Variants in DDX6 observed in about 807,000 individuals in gnomAD.
DDX6 encodes the protein DEAD-box helicase 6, also known as probable ATP-dependent RNA helicase DDX6.
DDX6 carries 7 observed loss-of-function variants against 60.6 expected under a neutral mutation model. The ratio of observed to expected loss-of-function variants is 0.12; its 90% CI spans 0.07 to 0.22. The LOEUF is 0.22. Among genes scored for constraint, DDX6 ranks in the 10% least tolerant of loss-of-function variants. The probability of loss-of-function intolerance (pLI) is 1.00; values close to 1 mark genes in which losing one functional copy is unlikely to be tolerated. For missense variants in DDX6, 270 were observed against 589.9 expected, an observed-to-expected ratio of 0.46 and a Z score of 5.62; for synonymous variants, 207 against 201.0, an observed-to-expected ratio of 1.03 and a Z score of -0.25.
chr11:118,763,330 C>T, intron 6 of DDX6, 24 bp from the exon 7 acceptor site: 1 of 1,533,946 alleles, frequency 6.5e-7, no homozygotes, highest in South Asian at 1.1e-5. Context: ...AGAAAACATA[C>T]ATTCTCATTA....
chr11:118,778,310 G>A (rs1861772927), intron 4 of DDX6, among the ~76,000 whole-genome samples: 1 of 152,176 alleles, frequency 6.6e-6, no homozygotes, highest in African/African-American at 2.4e-5. Context: ...CCACTCATGA[G>A]CTACAAGTAT....
At chr11:118,763,011 C>T (rs1227060194) in intron 7 of DDX6, among the ~76,000 whole-genome samples, 1 of 152,170 alleles carries the variant, frequency 6.6e-6, no homozygotes, top group Non-Finnish European at 1.5e-5. Context: ...AAGAAAAAGA[C>T]AAAATGCTGA....
In DDX6 at chr11:118,749,595, C is replaced by T. The variant is rs1407670674; in HGVS notation, c.*2510G>A. 6.6e-6 allele frequency: 1 copy of T among 152,586 alleles called. No homozygotes were observed. The highest frequency in any genetic ancestry group is 2.4e-5 in the African/African-American group (1 of 41,440). 9.5% of individuals were successfully genotyped at this position (152,586 alleles called of 1,614,324 possible). A position where few individuals can be genotyped will look rare whatever the true frequency, so the allele number is the denominator to read the frequency against. On this transcript the variant is annotated 3_prime_UTR_variant, in exon 14 of 14. Transcript: ENST00000534980. ...AGAGGGACCCACAGGCATGTGGCAC[C>T]ACGCAGTCTAAAGTTGGTGAAGGAG...
At chr11:118,765,472 G>A in intron 5 of DDX6, 117 bp from the exon 6 acceptor site, 5 of 1,036,674 alleles carry the variant, frequency 4.8e-6, no homozygotes, top group African/African-American at 1.6e-5. Flanking sequence ...ATGATGCAGT[G>A]GCTCACACCT....
At chr11:118,779,513 A>G (rs1361141868) in intron 4 of DDX6, 119 bp downstream of exon 4, 1 of 601,824 alleles carries the variant, frequency 1.7e-6, no homozygotes, top group Non-Finnish European at 2.8e-6. Flanking sequence ...AATTTCAGAA[A>G]AAGTGTGTAT....
intron 7 of DDX6, among the ~76,000 whole-genome samples, chr11:118,762,056 CCT>C (rs1400421840): frequency 6.6e-6 from 1 of 152,062 alleles, no homozygotes; most frequent in Admixed American, 6.6e-5. Context: ...AGTAGGATCA[CCT>C]GAGGTCAGGA....
intron 6 of DDX6, among the ~76,000 whole-genome samples, chr11:118,764,999 T>C (rs782129314): frequency 6.6e-6 from 1 of 152,184 alleles, no homozygotes; most frequent in South Asian, 2.1e-4. Context: ...AAAATTATTA[T>C]AAACTTGCTG....
rs370718503 is a variant in DDX6 at position 118,765,930 on chromosome 11, C to T, written c.500-575G>A. Among the ~76,000 whole-genome samples, 5 of 151,356 alleles carry T rather than the reference C, an allele frequency of 3.3e-5. No individual in the cohort carries two copies. The Middle Eastern group carries it at 0.01, about 313-fold the overall frequency. On this transcript the variant is annotated intron_variant, in intron 5 of 13. Coordinates refer to ENST00000534980, the MANE Select transcript of DDX6 (RefSeq NM_004397.6). ...TACTAAAAATACAAAATTAGCTGGG[C>T]GTGGGTGGCACATGCCTGTAATCCC...
At chr11:118,786,835 G>A (rs1325330473) in intron 1 of DDX6, 1 of 152,366 alleles carries the variant, frequency 6.6e-6, no homozygotes, top group Non-Finnish European at 1.5e-5. Context: ...AATTCTCTAA[G>A]TCTCTGACAT....
intron 4 of DDX6, among the ~76,000 whole-genome samples, chr11:118,770,915 G>A (rs1377982744): frequency 4.7e-5 from 7 of 150,372 alleles, no homozygotes; most frequent in African/African-American, 1.5e-4. Flanking sequence ...GAAAAGAAAA[G>A]AAAATACTGT....
At chr11:118,774,721 G>C (rs746232132) in intron 4 of DDX6, among the ~76,000 whole-genome samples, 264 of 152,088 alleles carry the variant, frequency 1.7e-3, no homozygotes, top group Middle Eastern at 6.8e-3. Context: ...ACTGCACCCA[G>C]CCAATTCTCC....
chr11:118,756,338 T>A lies in DDX6; in HGVS notation c.1111-15A>T, dbSNP rs781915724. 1 of 1,607,582 alleles carries A rather than the reference T, an allele frequency of 6.2e-7. No homozygotes were observed. The highest frequency in any genetic ancestry group is 8.5e-7 in the Non-Finnish European group (1 of 1,174,346). ...TTTCGATGTTCCTAGGAGAAAGCAA[T>A]GTATTCCATTTGATTAACACTCATA... On this transcript the variant is annotated splice_polypyrimidine_tract_variant and intron_variant, in intron 10 of 13. Transcript: ENST00000534980.
In DDX6 at chr11:118,753,870, A is replaced by G. The variant is rs527787962; in HGVS notation, c.*7+835T>C. 3.3e-5 allele frequency among the ~76,000 whole-genome samples: 5 copies of G among 152,158 alleles called. No individual in the cohort carries two copies. In the South Asian group the frequency reaches 1.0e-3, roughly 32 times the overall value. ...CTCCCTTTAGGAGGCTGAGGCGGGT[A>G]GATCACTTGAGGTCAGGAGTTCAAG... On this transcript the variant is annotated intron_variant, in intron 13 of 13. Coordinates refer to ENST00000534980, the MANE Select transcript of DDX6 (RefSeq NM_004397.6).
At chr11:118,758,656 T>C (rs1861060674) in intron 9 of DDX6, 118 bp downstream of exon 9, 2 of 1,285,742 alleles carry the variant, frequency 1.6e-6, no homozygotes, top group Admixed American at 2.6e-5. Context: ...TGAGCCACCG[T>C]GCCAAGCCAG....
chr11:118,752,283 C>T (rs1280220382), intron 13 of DDX6, among the ~76,000 whole-genome samples, 186 bp from the exon 14 acceptor site: 1 of 152,050 alleles, frequency 6.6e-6, no homozygotes, highest in African/African-American at 2.4e-5. Flanking sequence ...AGATTGGGGG[C>T]CTGAATGAAT....
chr11:118,753,031 G>A (rs1197342977), intron 13 of DDX6, among the ~76,000 whole-genome samples: 1 of 152,168 alleles, frequency 6.6e-6, no homozygotes, highest in Non-Finnish European at 1.5e-5. Context: ...AAATCAGAGT[G>A]GGTTATTTAT....
At chr11:118,777,693 A>T (rs1861745892) in intron 4 of DDX6, among the ~76,000 whole-genome samples, 1 of 152,158 alleles carries the variant, frequency 6.6e-6, no homozygotes, top group African/African-American at 2.4e-5. Flanking sequence ...GTTCAAGACC[A>T]GCCTGGTCTA....
At chr11:118,767,313 T>C (rs1271091421) in intron 5 of DDX6, among the ~76,000 whole-genome samples, 4 of 152,164 alleles carry the variant, frequency 2.6e-5, no homozygotes, top group African/African-American at 9.7e-5. Flanking sequence ...AATACCTAGG[T>C]AGGAAACTCC....
chr11:118,789,936 AAAC>A (rs1862208599), intron 1 of DDX6: 1 of 104,904 alleles, frequency 9.5e-6, no homozygotes, highest in East Asian at 2.6e-4. Flanking sequence ...AAAAACAAAA[AAAC>A]AAAAAACAAA....
Sources: allele counts gnomAD v4.1 joint callset (sites outside exome capture counted in the v4.1 genomes callset), GRCh38; gene constraint gnomAD v4.1.1; transcripts MANE v1.5; gene names NCBI Gene and HGNC (gene_info 2026-07-23, HGNC 2026-07-21).